PALM2AKAP2: variants seen among roughly 807,000 people sequenced by gnomAD.
The protein encoded by PALM2AKAP2 is PALM2 and AKAP2 fusion, also known as PALM2-AKAP2 fusion protein.
Under a neutral mutation model 71.5 loss-of-function variants are expected in PALM2AKAP2, and 37 were observed. That is an observed-to-expected ratio of 0.52 (90% CI 0.40 to 0.68). The LOEUF is 0.68. PALM2AKAP2 is among the 30% of genes least tolerant of loss of function. PALM2AKAP2 has a pLI of 0.00. For missense variants in PALM2AKAP2, 1,224 were observed against 1,191.8 expected (o/e 1.03, Z -0.40); for synonymous variants, 468 against 478.8 (o/e 0.98, Z 0.29).
At chr9:109,992,575 C>T (rs1832504620) in intron 6 of PALM2AKAP2, among the ~76,000 whole-genome samples, 1 of 152,110 alleles carries the variant, frequency 6.6e-6, no homozygotes, top group South Asian at 2.1e-4. Context: ...TGCACCAACA[C>T]AACCAGCTAA....
Position 110,013,121 on chromosome 9 carries a change from C to G in PALM2AKAP2, c.497-2833C>G, listed in dbSNP as rs189021783. ...TTCCAGGTGCAGATTGGATCCAGAT[C>G]TGCTCCCCAGGACTCTCATCCACTT... On this transcript the variant is annotated intron_variant, in intron 6 of 9. Coordinates refer to the PALM2AKAP2 transcript ENST00000302798. Among the ~76,000 whole-genome samples, 129 of 152,296 alleles carry G rather than the reference C, an allele frequency of 8.5e-4. 1 individual carries two copies. The highest frequency in any genetic ancestry group is 3.0e-3 in the African/African-American group (125 of 41,554).
chr9:109,674,633 A>G (rs1174189899), intron 1 of PALM2AKAP2, among the ~76,000 whole-genome samples: 2 of 152,058 alleles, frequency 1.3e-5, no homozygotes, highest in Non-Finnish European at 2.9e-5. Flanking sequence ...GGTGTTCAAC[A>G]AGTCCCTTTA....
intron 1 of PALM2AKAP2, among the ~76,000 whole-genome samples, chr9:110,127,257 G>A (rs541547767): frequency 3.3e-5 from 5 of 152,248 alleles, no homozygotes; most frequent in African/African-American, 1.2e-4. Context: ...AAACCAAGAA[G>A]TGTTTTTAGT....
chr9:109,841,321 A>T (rs1459685112), intron 1 of PALM2AKAP2, among the ~76,000 whole-genome samples: 1 of 144,962 alleles, frequency 6.9e-6, no homozygotes, highest in Non-Finnish European at 1.5e-5. Flanking sequence ...AACAATGAGA[A>T]CACTTGGACA....
At chr9:110,085,510 C>T (rs1170084096) in intron 1 of PALM2AKAP2, among the ~76,000 whole-genome samples, 1 of 150,874 alleles carries the variant, frequency 6.6e-6, no homozygotes. Context: ...TTTCACCGAT[C>T]TGGAACTTTG....
chr9:110,069,896 A>T (rs142660376), intron 1 of PALM2AKAP2, among the ~76,000 whole-genome samples: 3 of 152,366 alleles, frequency 2.0e-5, no homozygotes, highest in African/African-American at 7.2e-5. Context: ...TACTTCGGTT[A>T]AATCATAATC....
chr9:109,826,285 A>T (rs1348283768), intron 1 of PALM2AKAP2, among the ~76,000 whole-genome samples: 1 of 152,204 alleles, frequency 6.6e-6, no homozygotes, highest in Non-Finnish European at 1.5e-5. Flanking sequence ...TACTGGGTGC[A>T]GCACACCAAC....
At chr9:109,649,717 A>G (rs988024645) in intron 1 of PALM2AKAP2, among the ~76,000 whole-genome samples, 1 of 152,190 alleles carries the variant, frequency 6.6e-6, no homozygotes, top group Non-Finnish European at 1.5e-5. Context: ...TTCTATCCAA[A>G]CCTACTATTT....
At chr9:110,048,983 A>C in intron 1 of PALM2AKAP2, 3 of 1,257,970 alleles carry the variant, frequency 2.4e-6, no homozygotes, top group East Asian at 2.9e-5. Context: ...CGGGCTTTTA[A>C]AGGGCTTTTT....
intron 1 of PALM2AKAP2, among the ~76,000 whole-genome samples, chr9:109,862,391 C>T (rs908071061): frequency 6.6e-6 from 1 of 152,178 alleles, no homozygotes; most frequent in African/African-American, 2.4e-5. Context: ...CTGCCTCCCT[C>T]TGCATGTTGA....
At position 109,847,120 on chromosome 9, in the gene PALM2AKAP2, T is replaced by C. The variant is rs935453213; in HGVS notation, c.46-20371T>C. ...CTGGGACCTATGTGTGTGACCTTAT[T>C]TGGAAGAGGGGTTTTTTTTTGCAGA... On this transcript the variant is annotated intron_variant, in intron 1 of 9. Coordinates refer to the PALM2AKAP2 transcript ENST00000302798. Among the ~76,000 whole-genome samples, 9 of 147,424 alleles carry C rather than the reference T, an allele frequency of 6.1e-5. 1 individual carries two copies. The South Asian group carries it at 1.7e-3, about 28-fold the overall frequency.
At chr9:109,833,024 T>A (rs1299273876) in intron 1 of PALM2AKAP2, among the ~76,000 whole-genome samples, 5 of 152,182 alleles carry the variant, frequency 3.3e-5, no homozygotes, top group African/African-American at 1.2e-4. Context: ...GCCCAGCTAG[T>A]CCATCCCACT....
chr9:109,778,925 C>T (rs1282969260), upstream of PALM2AKAP2, among the ~76,000 whole-genome samples: 5 of 151,988 alleles, frequency 3.3e-5, no homozygotes, highest in African/African-American at 9.7e-5. Context: ...CCTGCCACCA[C>T]GCCCGGCTAA....
At chr9:109,768,521 G>T (rs1829200826) in intron 1 of PALM2AKAP2, among the ~76,000 whole-genome samples, 1 of 152,254 alleles carries the variant, frequency 6.6e-6, no homozygotes, top group Admixed American at 6.5e-5. Flanking sequence ...AACATTTCAA[G>T]TTCTCTCTTT....
At chr9:109,949,150 C>T (rs1006743275) in intron 6 of PALM2AKAP2, among the ~76,000 whole-genome samples, 6 of 152,216 alleles carry the variant, frequency 3.9e-5, no homozygotes, top group East Asian at 1.9e-4. Flanking sequence ...CAACCAAACA[C>T]GTATCTGTGT....
At chr9:110,137,164 T>C (rs1474360137) in exon 2 of PALM2AKAP2, 2 of 1,613,648 alleles carry the variant, frequency 1.2e-6, no homozygotes, top group African/African-American at 2.7e-5. Flanking sequence ...CAAGCATGAT[T>C]GACAAAGCAA....
At chr9:110,114,880 C>T (rs781124291) in intron 1 of PALM2AKAP2, among the ~76,000 whole-genome samples, 6 of 152,148 alleles carry the variant, frequency 3.9e-5, no homozygotes, top group South Asian at 2.1e-4. Flanking sequence ...ATTCCACAGT[C>T]GGGCAGAGAG....
At chr9:110,111,953 C>A (rs1253154534) in intron 1 of PALM2AKAP2, among the ~76,000 whole-genome samples, 2 of 152,098 alleles carry the variant, frequency 1.3e-5, no homozygotes, top group Admixed American at 1.3e-4. Flanking sequence ...TTCTGCCCTG[C>A]ATGTTGGGGA....
rs117295945 is a variant in PALM2AKAP2, at chr9:109,852,627, T to C, written c.46-14864T>C. Among the ~76,000 whole-genome samples the C allele has an allele frequency of 2.2e-4, 33 of 152,346 alleles. No homozygotes were observed. In the East Asian group the frequency reaches 6.2e-3, roughly 28 times the overall value. Reference sequence around the variant, plus strand: ...TCTCCAAACTACTTTCCACAGGGCCTGAACTAATTTGCACTCCCAAAAACA... The same window carrying C: ...TCTCCAAACTACTTTCCACAGGGCCCGAACTAATTTGCACTCCCAAAAACA... On this transcript the variant is annotated intron_variant, in intron 1 of 9. Coordinates refer to the PALM2AKAP2 transcript ENST00000302798.
Sources: allele counts gnomAD v4.1 joint callset (sites outside exome capture counted in the v4.1 genomes callset), GRCh38; gene constraint gnomAD v4.1.1; transcripts MANE v1.5; gene names NCBI Gene and HGNC (gene_info 2026-07-23, HGNC 2026-07-21).